The following ITSN1 variants were observed in gnomAD, a reference collection of about 807,000 sequenced individuals.
ITSN1 encodes intersectin-1.
A neutral mutation model predicts 239.8 loss-of-function variants in ITSN1; 58 were observed. The observed-to-expected ratio is 0.24, with a 90% CI of 0.20 to 0.30. The LOEUF is 0.30. Ranked by LOEUF, ITSN1 falls within the 10% of genes least tolerant of loss-of-function variation. The probability of loss-of-function intolerance (pLI) is 1.00; values close to 1 mark genes in which losing one functional copy is unlikely to be tolerated. For missense variants in ITSN1, 1,558 were observed against 2,103.3 expected, an observed-to-expected ratio of 0.74 and a Z score of 5.07; for synonymous variants, 780 against 770.8, an observed-to-expected ratio of 1.01 and a Z score of -0.20.
intron 9 of ITSN1, among the ~76,000 whole-genome samples, chr21:33,764,782 T>C (rs1457791998): frequency 6.6e-6 from 1 of 152,246 alleles, no homozygotes; most frequent in East Asian, 1.9e-4. Context: ...AATGGATGTG[T>C]TGTCATGTAT....
chr21:33,818,558 G>A (rs926066646), intron 23 of ITSN1, 86 bp downstream of exon 23: 3 of 1,168,146 alleles, frequency 2.6e-6, no homozygotes, highest in African/African-American at 3.1e-5. Context: ...TTCACAGACA[G>A]GAGTTGCGGG....
At chr21:33,750,086 A>G (rs990611422) in intron 5 of ITSN1, 57 bp from the exon 6 acceptor site, 2 of 1,487,914 alleles carry the variant, frequency 1.3e-6, no homozygotes, top group Non-Finnish European at 1.9e-6. Flanking sequence ...GTTAATTATT[A>G]TTCAGTGTTG....
chr21:33,886,656 G>C (rs1985850089), intron 39 of ITSN1, among the ~76,000 whole-genome samples, 196 bp downstream of exon 39: 1 of 152,200 alleles, frequency 6.6e-6, no homozygotes, highest in Non-Finnish European at 1.5e-5. Flanking sequence ...TGTGGACAGA[G>C]CATGCTTGGT....
intron 29 of ITSN1, among the ~76,000 whole-genome samples, chr21:33,847,069 C>T (rs185197227): frequency 1.4e-3 from 211 of 152,318 alleles, no homozygotes; most frequent in Non-Finnish European, 1.6e-3. Context: ...CAGGTTGCCT[C>T]TTGGGTTCCT....
intron 1 of ITSN1, among the ~76,000 whole-genome samples, chr21:33,702,525 T>C (rs1056514361): frequency 2.6e-5 from 4 of 152,250 alleles, no homozygotes; most frequent in African/African-American, 9.6e-5. Context: ...TAAAGTTAAG[T>C]TTTAAATTAT....
At chr21:33,759,694 G>C (rs924942595) in intron 8 of ITSN1, among the ~76,000 whole-genome samples, 38 of 152,154 alleles carry the variant, frequency 2.5e-4, no homozygotes, top group Admixed American at 2.1e-3. Flanking sequence ...ACACACACGT[G>C]CTCATGTATG....
intron 33 of ITSN1, among the ~76,000 whole-genome samples, chr21:33,872,057 C>T (rs1443490304): frequency 6.6e-6 from 1 of 152,180 alleles, no homozygotes; most frequent in Non-Finnish European, 1.5e-5. Flanking sequence ...AAAAAGTTCA[C>T]ACTCACAGGT....
At chr21:33,883,452 C>T in intron 35 of ITSN1, 98 bp from the exon 36 acceptor site, 9 of 1,523,216 alleles carry the variant, frequency 5.9e-6, no homozygotes, top group African/African-American at 1.4e-5. Context: ...GTCTCGTTTA[C>T]TAGAACACAT....
intron 4 of ITSN1, among the ~76,000 whole-genome samples, chr21:33,734,430 T>C (rs2066372562): frequency 6.6e-6 from 1 of 152,204 alleles, no homozygotes; most frequent in African/African-American, 2.4e-5. Context: ...TTGAGTGATA[T>C]GGGGCATGAT....
At chr21:33,879,102 C>T (rs2148546690) in intron 34 of ITSN1, among the ~76,000 whole-genome samples, 1 of 152,280 alleles carries the variant, frequency 6.6e-6, no homozygotes, top group Non-Finnish European at 1.5e-5. Context: ...AATCCCAGCA[C>T]TTTGAGAGGC....
intron 22 of ITSN1, among the ~76,000 whole-genome samples, chr21:33,816,714 C>T (rs1602410877): frequency 6.6e-6 from 1 of 152,046 alleles, no homozygotes; most frequent in African/African-American, 2.4e-5. Flanking sequence ...AGTGAAGTGG[C>T]GGAGAGGATT....
chr21:33,836,526 C>G lies in ITSN1; in HGVS notation c.3555C>G (p.Leu1185=). The change falls in exon 29 of 40, where the codon CTC becomes CTG. Residue 1185 remains leucine (L), a synonymous_variant. Coordinates refer to ENST00000381318, the MANE Select transcript of ITSN1 (RefSeq NM_003024.3). ...AFNKGQIINV[L]NKEDPDWWKG... ...ACAAGGGCCAGATCATCAACGTCCTCAACAAGGAGGACCCTGACTGGTGGA... is the reference window on the plus strand; with the variant it reads ...ACAAGGGCCAGATCATCAACGTCCTGAACAAGGAGGACCCTGACTGGTGGA... The G allele has an allele frequency of 6.2e-7, 1 of 1,614,110 alleles. No individual in the cohort carries two copies. Among genetic ancestry groups the G allele is most frequent in the Non-Finnish European group, 8.5e-7 (1 of 1,179,974 alleles).
chr21:33,867,478 G>C, intron 33 of ITSN1, 147 bp downstream of exon 33: 1 of 613,480 alleles, frequency 1.6e-6, no homozygotes, highest in Non-Finnish European at 2.9e-6. Flanking sequence ...AGGTCTGCTT[G>C]GTAACTCAGA....
At chr21:33,794,514 G>T (rs1223159652) in intron 17 of ITSN1, 46 bp downstream of exon 17, 3 of 1,570,286 alleles carry the variant, frequency 1.9e-6, no homozygotes, top group Non-Finnish European at 1.7e-6. Context: ...GAACTTTGAG[G>T]ATTTACTATT....
chr21:33,804,517 CAG>C (rs2072253739), intron 20 of ITSN1, among the ~76,000 whole-genome samples: 1 of 152,166 alleles, frequency 6.6e-6, no homozygotes, highest in Non-Finnish European at 1.5e-5. Context: ...GGAGAGGAAT[CAG>C]TGTAAAGTGA....
At chr21:33,688,342 G>C (rs542403101) in intron 1 of ITSN1, among the ~76,000 whole-genome samples, 1 of 152,100 alleles carries the variant, frequency 6.6e-6, no homozygotes, top group Admixed American at 6.6e-5. Context: ...CCAAACATTC[G>C]TAGGACTACA....
rs1312297759 is a variant in ITSN1 at position 33,897,824 on chromosome 21, A to T, written c.*9524A>T. On this transcript the variant is annotated 3_prime_UTR_variant, in exon 40 of 40. Transcript: ENST00000381318. ...CTATTCCAAGAGTAGAAAATGCTTAATGAGATTACTTGGGTTCAACTCAAC... is the reference window on the plus strand; with the variant it reads ...CTATTCCAAGAGTAGAAAATGCTTATTGAGATTACTTGGGTTCAACTCAAC... 1 of 152,240 alleles carries T rather than the reference A, an allele frequency of 6.6e-6. No homozygotes were observed. The highest frequency in any genetic ancestry group is 2.4e-5 in the African/African-American group (1 of 41,466). 9.4% of individuals were successfully genotyped at this position (152,240 alleles called of 1,614,324 possible). A position where few individuals can be genotyped will look rare whatever the true frequency, so the allele number is the denominator to read the frequency against.
rs77209564 is a variant in ITSN1, at chr21:33,771,984, A to G, written c.1043-77A>G. 2,178 of 1,518,990 alleles carry G rather than the reference A, an allele frequency of 1.4e-3. 28 individuals are homozygous for G. The African/African-American group carries it at 0.027, about 19-fold the overall frequency. The allele number at this position is 1,518,990 out of a possible 1,614,324, so 94.1% of individuals were successfully genotyped here. ...TGGGTTTGTACTACAAATTTCAAAT[A>G]CATTGGTGAGTTTTCCTTTGAAAAG... On this transcript the variant is annotated intron_variant, in intron 11 of 39. Transcript: ENST00000381318.
In ITSN1 at chr21:33,750,186, T is replaced by C. The variant is rs552289676; in HGVS notation, c.390T>C (p.Ala130=). ...GCATGCCACCGCTTACAGCTGTTGC[T>C]CCAGTGCCAATGGGATCCATTCCAG... ...IASMPPLTAV[A]PVPMGSIPVV... Residue 130 remains alanine (A), a synonymous_variant, in exon 6 of 40, where the codon GCT becomes GCC. Transcript: ENST00000381318. 1 of 1,614,146 alleles carries C rather than the reference T, an allele frequency of 6.2e-7. No homozygotes were observed. Among genetic ancestry groups the C allele is most frequent in the Admixed American group, 1.7e-5 (1 of 60,010 alleles).
Sources: allele counts gnomAD v4.1 joint callset (sites outside exome capture counted in the v4.1 genomes callset), GRCh38; gene constraint gnomAD v4.1.1; transcripts MANE v1.5; gene names NCBI Gene and HGNC (gene_info 2026-07-23, HGNC 2026-07-21).